The following APBA2 variants were observed in gnomAD, a reference collection of about 807,000 sequenced individuals.
APBA2 encodes amyloid beta precursor protein binding family A member 2.
Under a neutral mutation model 75.0 loss-of-function variants are expected in APBA2, and 30 were observed. The observed-to-expected ratio is 0.40, with a 90% CI of 0.30 to 0.54. APBA2 has a LOEUF of 0.54. Among genes scored for constraint, APBA2 ranks in the 20% least tolerant of loss-of-function variants. The pLI is 0.49. For synonymous variants in APBA2, 444 were observed against 409.6 expected (o/e 1.08, Z -1.01); for missense variants, 801 against 1,016.1 (o/e 0.79, Z 2.88).
chr15:28,953,438 T>C lies in APBA2; in HGVS notation c.-95+31689T>C, dbSNP rs1251718802. On this transcript the variant is annotated intron_variant, in intron 2 of 14. Coordinates refer to ENST00000683413, the MANE Select transcript of APBA2 (RefSeq NM_001353788.2). ...CGCCCCACCCCCTGCTGCTGGCCTATTTCTGTGCTTTGTTTTGCTGTAGAA... is the reference window on the plus strand; with the variant it reads ...CGCCCCACCCCCTGCTGCTGGCCTACTTCTGTGCTTTGTTTTGCTGTAGAA... Among the ~76,000 whole-genome samples the C allele has an allele frequency of 2.0e-5, 3 of 151,856 alleles. No homozygotes were observed. In the East Asian group the frequency reaches 5.9e-4, roughly 30 times the overall value.
chr15:28,977,742 C>T (rs560940709), intron 2 of APBA2, among the ~76,000 whole-genome samples: 3 of 152,316 alleles, frequency 2.0e-5, no homozygotes, highest in African/African-American at 4.8e-5. Context: ...TTCCTGCTCT[C>T]GTATGTGACA....
At chr15:29,018,305 C>T (rs1410823531) in intron 3 of APBA2, among the ~76,000 whole-genome samples, 1 of 152,136 alleles carries the variant, frequency 6.6e-6, no homozygotes, top group Non-Finnish European at 1.5e-5. Context: ...GTATAATTAC[C>T]GTGCAGCGAA....
intron 2 of APBA2, among the ~76,000 whole-genome samples, chr15:28,988,003 C>T (rs1221148635): frequency 1.3e-5 from 2 of 150,592 alleles, no homozygotes; most frequent in South Asian, 2.1e-4. Flanking sequence ...GTGGTCTGCC[C>T]GCCTCAGCCT....
chr15:29,000,324 A>C (rs542737186), intron 3 of APBA2, among the ~76,000 whole-genome samples: 2 of 152,308 alleles, frequency 1.3e-5, no homozygotes, highest in South Asian at 4.1e-4. Context: ...GGGGACTTTG[A>C]GGGGATGGGA....
At chr15:29,088,991 C>T (rs1387861990) in intron 6 of APBA2, among the ~76,000 whole-genome samples, 4 of 152,188 alleles carry the variant, frequency 2.6e-5, no homozygotes, top group African/African-American at 7.2e-5. Flanking sequence ...GATTCCTTCT[C>T]CTCCTCCAGA....
At chr15:29,030,729 A>ATGTG (rs60048817) in intron 3 of APBA2, among the ~76,000 whole-genome samples, 5,884 of 113,172 alleles carry the variant, frequency 0.052, 251 homozygotes, top group East Asian at 0.24. Context: ...CCATGTGAGT[A>ATGTG]TGTGTGTGTG....
intron 7 of APBA2, 89 bp downstream of exon 7, chr15:29,093,309 C>A: frequency 1.3e-6 from 2 of 1,533,128 alleles, no homozygotes; most frequent in South Asian, 2.3e-5. Context: ...AGGCCCTCTT[C>A]CAGCTCGGAC....
intron 3 of APBA2, among the ~76,000 whole-genome samples, chr15:29,026,057 C>G (rs1436312862): frequency 6.6e-6 from 1 of 152,110 alleles, no homozygotes; most frequent in African/African-American, 2.4e-5. Context: ...GCTGCAACTT[C>G]TTGCCAACTT....
intron 3 of APBA2, among the ~76,000 whole-genome samples, chr15:29,027,010 G>T (rs1265212979): frequency 6.6e-6 from 1 of 152,170 alleles, no homozygotes; most frequent in African/African-American, 2.4e-5. Context: ...AATTTTAATG[G>T]TATGATACAT....
At chr15:28,901,938 G>GTGTGTGTGTGTGTGTGTA (rs1268386260) in intron 1 of APBA2, among the ~76,000 whole-genome samples, 3 of 147,734 alleles carry the variant, frequency 2.0e-5, no homozygotes, top group Admixed American at 6.8e-5. Flanking sequence ...GTGTGTGTGT[G>GTGTGTGTGTGTGTGTGTA]TGTATGTTGG....
At chr15:28,895,780 A>G (rs1225778441) in intron 1 of APBA2, among the ~76,000 whole-genome samples, 1 of 151,984 alleles carries the variant, frequency 6.6e-6, no homozygotes, top group African/African-American at 2.4e-5. Flanking sequence ...TTCATGCGCC[A>G]TAACTGGAAA....
intron 3 of APBA2, among the ~76,000 whole-genome samples, chr15:29,000,262 C>G (rs573690868): frequency 1.3e-5 from 2 of 152,274 alleles, no homozygotes; most frequent in East Asian, 1.9e-4. Flanking sequence ...CAGATTAGAA[C>G]AGAAGATATC....
chr15:28,954,167 G>A (rs1241137240), intron 2 of APBA2, among the ~76,000 whole-genome samples: 6 of 152,140 alleles, frequency 3.9e-5, no homozygotes, highest in Non-Finnish European at 5.9e-5. Context: ...CACCGGCACC[G>A]CTGCCGTGCG....
intron 8 of APBA2, among the ~76,000 whole-genome samples, chr15:29,097,442 C>T (rs1296447407): frequency 6.6e-6 from 1 of 152,212 alleles, no homozygotes; most frequent in African/African-American, 2.4e-5. Flanking sequence ...CGGCCGGTGG[C>T]GTGCAGGTAG....
At chr15:29,106,911 C>T (rs2044443901) in intron 12 of APBA2, 92 bp downstream of exon 12, 2 of 1,231,864 alleles carry the variant, frequency 1.6e-6, no homozygotes, top group Non-Finnish European at 2.3e-6. Context: ...ACTGCAATCC[C>T]CACTTCACCC....
chr15:29,043,271 G>T (rs17748777), intron 3 of APBA2, among the ~76,000 whole-genome samples: 32,429 of 152,046 alleles, frequency 0.21, 4,381 homozygotes, highest in East Asian at 0.45. Flanking sequence ...CGCCCTTTGC[G>T]TATTTCGAGA....
At chr15:29,111,634 G>A (rs2044735932) in intron 13 of APBA2, among the ~76,000 whole-genome samples, 1 of 152,118 alleles carries the variant, frequency 6.6e-6, no homozygotes. Flanking sequence ...CACACCCTCT[G>A]CACCTGCTCC....
intron 2 of APBA2, among the ~76,000 whole-genome samples, chr15:28,976,810 G>C (rs1317681102): frequency 6.6e-6 from 1 of 152,122 alleles, no homozygotes; most frequent in African/African-American, 2.4e-5. Flanking sequence ...ATTGGTTTTA[G>C]TGTGGAGATT....
chr15:28,939,386 C>T (rs539097064), intron 2 of APBA2, among the ~76,000 whole-genome samples: 6 of 152,282 alleles, frequency 3.9e-5, no homozygotes, highest in African/African-American at 1.2e-4. Context: ...AGTGGAATTA[C>T]TGGACCATAT....
Sources: allele counts gnomAD v4.1 joint callset (sites outside exome capture counted in the v4.1 genomes callset), GRCh38; gene constraint gnomAD v4.1.1; transcripts MANE v1.5; gene names NCBI Gene and HGNC (gene_info 2026-07-23, HGNC 2026-07-21).